The following DOCK7 variants were observed in gnomAD, a reference collection of about 807,000 sequenced individuals.
The protein encoded by DOCK7 is dedicator of cytokinesis protein 7.
DOCK7 carries 138 observed loss-of-function variants against 271.0 expected under a neutral mutation model. That is an observed-to-expected ratio of 0.51 (90% CI 0.44 to 0.59). The LOEUF is 0.59. DOCK7 is among the 20% of genes least tolerant of loss of function. The pLI, the probability that DOCK7 is intolerant of heterozygous loss-of-function variation, is 0.00. For missense variants in DOCK7, 2,066 were observed against 2,592.4 expected (o/e 0.80, Z 4.41); for synonymous variants, 823 against 876.1 (o/e 0.94, Z 1.07).
intron 1 of DOCK7, among the ~76,000 whole-genome samples, chr1:62,669,425 T>C (rs1659680412): frequency 6.6e-6 from 1 of 152,240 alleles, no homozygotes; most frequent in Non-Finnish European, 1.5e-5. Flanking sequence ...TCTGACACAC[T>C]ACTTCAGAAG....
intron 15 of DOCK7, chr1:62,584,305 G>A (rs1647255298): frequency 5.1e-6 from 5 of 979,740 alleles, no homozygotes; most frequent in Non-Finnish European, 6.1e-6. Context: ...ACCTTAGTAT[G>A]TTTTCATAAA....
chr1:62,582,413 A>C (rs372814860), intron 16 of DOCK7, among the ~76,000 whole-genome samples: 5 of 148,924 alleles, frequency 3.4e-5, no homozygotes, highest in Non-Finnish European at 7.5e-5. Context: ...AGCCGGGCGT[A>C]GTGGCGGGCG....
intron 14 of DOCK7, among the ~76,000 whole-genome samples, chr1:62,606,502 T>G (rs1651014483): frequency 1.3e-5 from 2 of 152,100 alleles, no homozygotes; most frequent in South Asian, 4.1e-4. Context: ...AGTGCTCAAA[T>G]TCCATCACTA....
At chr1:62,513,423 G>T in intron 33 of DOCK7, 21 bp downstream of exon 33, 1 of 1,578,634 alleles carries the variant, frequency 6.3e-7, no homozygotes, top group Non-Finnish European at 8.6e-7. Flanking sequence ...TACAACTCAA[G>T]GAAATTGAAG....
At chr1:62,485,439 A>G (rs1274633690) in intron 43 of DOCK7, 1 of 985,308 alleles carries the variant, frequency 1.0e-6, no homozygotes, top group African/African-American at 1.7e-5. Flanking sequence ...CATGTGACTA[A>G]TATATAAGCC....
intron 4 of DOCK7, 114 bp downstream of exon 4, chr1:62,653,611 T>C (rs1382328486): frequency 2.9e-6 from 2 of 680,238 alleles, no homozygotes; most frequent in African/African-American, 3.7e-5. Flanking sequence ...TTTTGTTTCT[T>C]CAGCTATTTT....
At chr1:62,498,162 G>C (rs1268468588) in intron 37 of DOCK7, among the ~76,000 whole-genome samples, 1 of 151,968 alleles carries the variant, frequency 6.6e-6, no homozygotes, top group Admixed American at 6.5e-5. Context: ...AGGATCCCTT[G>C]AGCAAAGGAG....
chr1:62,491,667 C>T (rs1196238136), intron 41 of DOCK7, among the ~76,000 whole-genome samples: 2 of 152,218 alleles, frequency 1.3e-5, no homozygotes, highest in African/African-American at 4.8e-5. Flanking sequence ...GTGGTCATAA[C>T]TTTCTTGGAC....
chr1:62,575,051 G>A (rs1646903650), intron 18 of DOCK7, among the ~76,000 whole-genome samples: 1 of 152,074 alleles, frequency 6.6e-6, no homozygotes, highest in South Asian at 2.1e-4. Context: ...TCTTAAAAGA[G>A]ATGGGGTCTT....
rs567794345 is a variant in DOCK7, at chr1:62,544,927, A to G, written c.2859+20T>C. ...GGAAACATCAGCAGCCAATAAAGAAACCTCTAATATAAACACCACCTGTGT... is the reference window on the plus strand; with the variant it reads ...GGAAACATCAGCAGCCAATAAAGAAGCCTCTAATATAAACACCACCTGTGT... On this transcript the variant is annotated intron_variant, in intron 23 of 49. Transcript: ENST00000635253. 1,547 of 1,532,918 alleles carry G rather than the reference A, an allele frequency of 1.0e-3. 5 individuals are homozygous for G. Among genetic ancestry groups the G allele is most frequent in the Non-Finnish European group, 1.0e-3 (1,160 of 1,134,500 alleles). 95.0% of individuals were successfully genotyped at this position (1,532,918 alleles called of 1,614,324 possible). A position where few individuals can be genotyped will look rare whatever the true frequency, so the allele number is the denominator to read the frequency against.
At chr1:62,465,899 T>G (rs748558726) in intron 48 of DOCK7, among the ~76,000 whole-genome samples, 3 of 152,144 alleles carry the variant, frequency 2.0e-5, no homozygotes, top group Non-Finnish European at 2.9e-5. Context: ...TATGTGGGTA[T>G]AGGATTGCTG....
intron 14 of DOCK7, among the ~76,000 whole-genome samples, chr1:62,589,440 TTC>T (rs976767021): frequency 2.0e-5 from 3 of 152,162 alleles, no homozygotes; most frequent in African/African-American, 4.8e-5. Context: ...TGTGACAATT[TTC>T]TGTTATGACA....
Position 62,454,885 on chromosome 1 carries a change from A to C in DOCK7, c.*529T>G, listed in dbSNP as rs56366073. 2,197 of 260,064 alleles carry C rather than the reference A, an allele frequency of 8.4e-3. 13 individuals are homozygous for C. Among genetic ancestry groups the C allele is most frequent in the Non-Finnish European group, 0.012 (1,699 of 140,366 alleles). The allele number at this position is 260,064 out of a possible 1,614,324, so 16.1% of individuals were successfully genotyped here. A position where few individuals can be genotyped will look rare whatever the true frequency, so the allele number is the denominator to read the frequency against. On this transcript the variant is annotated 3_prime_UTR_variant, in exon 50 of 50. Coordinates refer to ENST00000635253, the MANE Select transcript of DOCK7 (RefSeq NM_001367561.1). Reference sequence around the variant, plus strand: ...GAAAATAACTTTGAAACAGTTACCAAACTCATTAATTTGGGGCTATCTATG... The same window carrying C: ...GAAAATAACTTTGAAACAGTTACCACACTCATTAATTTGGGGCTATCTATG...
intron 11 of DOCK7, among the ~76,000 whole-genome samples, chr1:62,630,187 C>T (rs1402844911): frequency 6.6e-6 from 1 of 152,120 alleles, no homozygotes; most frequent in Non-Finnish European, 1.5e-5. Flanking sequence ...GAACTTCTAG[C>T]CCATCCAGTG....
In DOCK7 at chr1:62,553,332, A is replaced by G. The variant is rs1457733416; in HGVS notation, c.2597-431T>C. The stretch of plus-strand genomic sequence containing the variant: ...GTATTTTATATATATATATATATAT[A>G]TATATATATATATATATATATATTT... On this transcript the variant is annotated intron_variant, in intron 21 of 49. Transcript: ENST00000635253. Among the ~76,000 whole-genome samples, 21 of 3,848 alleles carry G rather than the reference A, an allele frequency of 5.5e-3. No homozygotes were observed. In the South Asian group the frequency reaches 0.071, roughly 13 times the overall value. The allele number at this position is 3,848 out of a possible 152,430, so 2.5% of individuals were successfully genotyped here.
chr1:62,637,905 C>CT, intron 7 of DOCK7, among the ~76,000 whole-genome samples: 1 of 152,296 alleles, frequency 6.6e-6, no homozygotes, highest in South Asian at 2.1e-4. Context: ...GCAGGGAACT[C>CT]TCTTCTACCC....
chr1:62,455,542 A>G, intron 49 of DOCK7, 86 bp from the exon 50 acceptor site: 1 of 1,305,178 alleles, frequency 7.7e-7, no homozygotes, highest in Non-Finnish European at 1.1e-6. Context: ...TTTTTCTGCC[A>G]GTTACCTTAA....
chr1:62,647,504 G>A (rs981045499), intron 7 of DOCK7, among the ~76,000 whole-genome samples, 187 bp downstream of exon 7: 1 of 152,060 alleles, frequency 6.6e-6, no homozygotes, highest in Non-Finnish European at 1.5e-5. Flanking sequence ...AATACGTTAG[G>A]CTTAGCACAG....
chr1:62,639,816 T>G (rs915551778), intron 7 of DOCK7, among the ~76,000 whole-genome samples: 2 of 151,978 alleles, frequency 1.3e-5, no homozygotes, highest in African/African-American at 4.8e-5. Context: ...GAAAATAAAC[T>G]GAAGAAACCA....
Sources: allele counts gnomAD v4.1 joint callset (sites outside exome capture counted in the v4.1 genomes callset), GRCh38; gene constraint gnomAD v4.1.1; transcripts MANE v1.5; gene names NCBI Gene and HGNC (gene_info 2026-07-23, HGNC 2026-07-21).